Variants in CTIF observed in about 807,000 individuals in gnomAD.
CTIF encodes CBP80/20-dependent translation initiation factor.
A neutral mutation model predicts 66.0 loss-of-function variants in CTIF; 21 were observed. The ratio of observed to expected loss-of-function variants is 0.32; its 90% CI spans 0.23 to 0.46. CTIF has a LOEUF of 0.46. CTIF is among the 20% of genes least tolerant of loss of function. The pLI, the probability that CTIF is intolerant of heterozygous loss-of-function variation, is 1.00. For synonymous variants in CTIF, 345 were observed against 326.4 expected (o/e 1.06, Z -0.62); for missense variants, 739 against 812.7 (o/e 0.91, Z 1.10).
chr18:48,721,198 C>T (rs1013368086), intron 7 of CTIF, among the ~76,000 whole-genome samples: 23 of 152,280 alleles, frequency 1.5e-4, no homozygotes, highest in African/African-American at 5.3e-4. Context: ...AAGGGAGACC[C>T]AATGACAAGA....
At chr18:48,670,775 C>T in intron 6 of CTIF, 31 bp downstream of exon 6, 1 of 1,571,108 alleles carries the variant, frequency 6.4e-7, no homozygotes. Flanking sequence ...TCTAACAGCC[C>T]ACCCCCACCC....
At chr18:48,693,021 G>T (rs930684203) in intron 6 of CTIF, among the ~76,000 whole-genome samples, 5 of 152,208 alleles carry the variant, frequency 3.3e-5, no homozygotes, top group Non-Finnish European at 7.3e-5. Context: ...TTTGTTTTGA[G>T]CATTGATAGA....
At chr18:48,664,328 GC>G in intron 4 of CTIF, 118 bp from the exon 5 acceptor site, 1 of 839,072 alleles carries the variant, frequency 1.2e-6, no homozygotes, top group Non-Finnish European at 2.0e-6. Context: ...TCCCCGCCTG[GC>G]CCCTGGCGGC....
chr18:48,673,729 A>G (rs776256226), intron 6 of CTIF: 3 of 152,186 alleles, frequency 2.0e-5, no homozygotes, highest in Non-Finnish European at 4.4e-5. Context: ...AGCTTGGCCA[A>G]CCTGTGGCCC....
chr18:48,544,127 A>C (rs1261396076), intron 1 of CTIF, among the ~76,000 whole-genome samples: 9 of 152,188 alleles, frequency 5.9e-5, no homozygotes, highest in Non-Finnish European at 1.3e-4. Flanking sequence ...TTCTCAACTG[A>C]CTCAAGTAAG....
chr18:48,734,503 T>G (rs912055442), intron 7 of CTIF, among the ~76,000 whole-genome samples: 6 of 152,082 alleles, frequency 3.9e-5, no homozygotes, highest in African/African-American at 1.4e-4. Context: ...GAGGCAGAGG[T>G]TGCAGTGAGC....
At chr18:48,548,795 A>T (rs774561153) in intron 1 of CTIF, among the ~76,000 whole-genome samples, 3 of 152,224 alleles carry the variant, frequency 2.0e-5, no homozygotes, top group Non-Finnish European at 2.9e-5. Flanking sequence ...GTGGACACAC[A>T]TGGTATCTGC....
intron 5 of CTIF, among the ~76,000 whole-genome samples, chr18:48,670,264 C>A (rs2091507581): frequency 6.6e-6 from 1 of 152,102 alleles, no homozygotes; most frequent in East Asian, 1.9e-4. Context: ...GAAGGAAGCC[C>A]TATTGGGTTT....
At chr18:48,544,323 C>T (rs984683698) in intron 1 of CTIF, among the ~76,000 whole-genome samples, 1 of 152,162 alleles carries the variant, frequency 6.6e-6, no homozygotes, top group Admixed American at 6.5e-5. Context: ...GTTGTTATAC[C>T]CATTTTGCAG....
chr18:48,746,081 C>T (rs1040605169), intron 7 of CTIF, among the ~76,000 whole-genome samples: 8 of 152,318 alleles, frequency 5.3e-5, no homozygotes, highest in East Asian at 1.9e-4. Context: ...AGGCGGCTGG[C>T]GGCGTTCTCC....
intron 1 of CTIF, among the ~76,000 whole-genome samples, chr18:48,586,149 G>A (rs2089762047): frequency 6.6e-6 from 1 of 152,062 alleles, no homozygotes. Flanking sequence ...TATATTTAAC[G>A]AGTTTTAAAA....
At chr18:48,607,105 A>G (rs775041829) in intron 1 of CTIF, among the ~76,000 whole-genome samples, 1 of 152,208 alleles carries the variant, frequency 6.6e-6, no homozygotes, top group Non-Finnish European at 1.5e-5. Context: ...GGAAAGGTCA[A>G]AGGGCAGCTG....
chr18:48,758,560 A>C, intron 8 of CTIF, 155 bp downstream of exon 8: 3 of 901,896 alleles, frequency 3.3e-6, no homozygotes, highest in Non-Finnish European at 5.0e-6. Flanking sequence ...GTGGGGACCA[A>C]CCACACTGGT....
At chr18:48,649,157 G>A (rs779505270) in intron 3 of CTIF, among the ~76,000 whole-genome samples, 12 of 152,278 alleles carry the variant, frequency 7.9e-5, no homozygotes, top group East Asian at 1.9e-4. Flanking sequence ...GGGGCATTGC[G>A]TCACCCGAGA....
intron 10 of CTIF, among the ~76,000 whole-genome samples, chr18:48,820,540 G>C (rs2068460935): frequency 6.6e-6 from 1 of 152,042 alleles, no homozygotes; most frequent in African/African-American, 2.4e-5. Context: ...CACTACACCT[G>C]TCCCAGGTCA....
chr18:48,798,931 G>A (rs916643207), intron 9 of CTIF, among the ~76,000 whole-genome samples: 8 of 152,310 alleles, frequency 5.3e-5, no homozygotes, highest in Non-Finnish European at 7.3e-5. Flanking sequence ...CCAATGAGCC[G>A]ACCGAAAATG....
At chr18:48,768,853 A>C (rs1215583259) in intron 9 of CTIF, among the ~76,000 whole-genome samples, 2 of 152,202 alleles carry the variant, frequency 1.3e-5, no homozygotes, top group Admixed American at 1.3e-4. Flanking sequence ...GCAGAGAGCT[A>C]GGTCCCTGCT....
chr18:48,860,323 C>T lies in CTIF; in HGVS notation c.*764C>T, dbSNP rs1021326289. Reference sequence around the variant, plus strand: ...CCAATGAAAATGCCCGTGATGTGATCACACAGTCAGCACTGTTGAGGACCC... The same window carrying T: ...CCAATGAAAATGCCCGTGATGTGATTACACAGTCAGCACTGTTGAGGACCC... On this transcript the variant is annotated 3_prime_UTR_variant, in exon 12 of 12. Transcript: ENST00000256413. 30 of 267,506 alleles carry T rather than the reference C, an allele frequency of 1.1e-4. No homozygotes were observed. The highest frequency in any genetic ancestry group is 3.7e-4 in the Admixed American group (8 of 21,628). The allele number at this position is 267,506 out of a possible 1,614,324, so 16.6% of individuals were successfully genotyped here.
intron 6 of CTIF, among the ~76,000 whole-genome samples, chr18:48,707,744 CCT>C (rs532295510): frequency 6.4e-4 from 98 of 152,112 alleles, no homozygotes; most frequent in African/African-American, 2.3e-3. Context: ...TGATATTCAC[CCT>C]CTCATAGTAT....
Sources: gnomAD v4.1 joint callset for allele counts (sites outside exome capture counted in the v4.1 genomes callset) on GRCh38, gnomAD v4.1.1 for gene constraint, MANE v1.5 for transcripts, NCBI Gene and HGNC (gene_info 2026-07-23, HGNC 2026-07-21) for gene names.